The following ZFHX4 variants were observed in gnomAD, a reference collection of about 807,000 sequenced individuals.
The protein encoded by ZFHX4 is zinc finger homeobox protein 4.
ZFHX4 carries 56 observed loss-of-function variants against 267.6 expected under a neutral mutation model. The ratio of observed to expected loss-of-function variants is 0.21; its 90% CI spans 0.17 to 0.26. ZFHX4 has a LOEUF of 0.26. Ranked by LOEUF, ZFHX4 falls within the 10% of genes least tolerant of loss-of-function variation. ZFHX4 has a pLI of 1.00. For synonymous variants in ZFHX4, 1,778 were observed against 1,665.6 expected, an observed-to-expected ratio of 1.07 and a Z score of -1.64; for missense variants, 4,332 against 4,420.0, an observed-to-expected ratio of 0.98 and a Z score of 0.56.
intron 3 of ZFHX4, among the ~76,000 whole-genome samples, chr8:76,763,950 G>A (rs1446087170): frequency 6.6e-6 from 1 of 152,042 alleles, no homozygotes; most frequent in African/African-American, 2.4e-5. Flanking sequence ...TTTTATTACA[G>A]CAGCTAAACT....
chr8:76,809,633 T>C (rs1398064469), intron 4 of ZFHX4, among the ~76,000 whole-genome samples: 1 of 152,156 alleles, frequency 6.6e-6, no homozygotes, highest in African/African-American at 2.4e-5. Context: ...GAAGGGTTAA[T>C]TTTGAATAGT....
intron 5 of ZFHX4, among the ~76,000 whole-genome samples, chr8:76,841,109 A>C (rs1424474070): frequency 6.6e-6 from 1 of 152,258 alleles, no homozygotes; most frequent in Non-Finnish European, 1.5e-5. Flanking sequence ...GGCAAAGGGC[A>C]AAAATGGAAT....
intron 3 of ZFHX4, among the ~76,000 whole-genome samples, chr8:76,754,513 G>A (rs1809712956): frequency 6.6e-6 from 1 of 151,756 alleles, no homozygotes; most frequent in African/African-American, 2.4e-5. Context: ...AAAAACAATT[G>A]CTTAGTTACA....
intron 1 of ZFHX4, among the ~76,000 whole-genome samples, chr8:76,683,591 G>T (rs1807608908): frequency 6.6e-6 from 1 of 150,934 alleles, no homozygotes; most frequent in African/African-American, 2.4e-5. Context: ...TTTAATCAAG[G>T]ATCATGTAGA....
intron 3 of ZFHX4, among the ~76,000 whole-genome samples, chr8:76,731,571 T>C (rs1809012462): frequency 2.0e-5 from 3 of 152,138 alleles, no homozygotes; most frequent in Non-Finnish European, 4.4e-5. Context: ...AAAGAGCTGC[T>C]CCACTTCTTT....
intron 5 of ZFHX4, among the ~76,000 whole-genome samples, chr8:76,835,687 TCTCCC>T (rs1242395794): frequency 6.6e-6 from 1 of 151,930 alleles, no homozygotes; most frequent in Non-Finnish European, 1.5e-5. Context: ...ATAAACCTAC[TCTCCC>T]TCCCCCACCT....
intron 5 of ZFHX4, among the ~76,000 whole-genome samples, chr8:76,841,829 TGA>T (rs1238807808): frequency 2.0e-5 from 3 of 152,180 alleles, no homozygotes; most frequent in African/African-American, 7.2e-5. Context: ...CATTAAAATG[TGA>T]CATCAGCACA....
intron 3 of ZFHX4, 63 bp from the exon 4 acceptor site, chr8:76,778,145 A>T: frequency 2.7e-6 from 3 of 1,096,464 alleles, no homozygotes; most frequent in East Asian, 2.4e-5. Flanking sequence ...GGTGGGTGTC[A>T]CCTGTTTTGT....
rs1240239101 is a variant in ZFHX4, at chr8:76,866,826, G to A, written c.*2261G>A. 1.3e-5 allele frequency: 2 copies of A among 152,288 alleles called. No individual in the cohort carries two copies. Among genetic ancestry groups the A allele is most frequent in the African/African-American group, 4.8e-5 (2 of 41,340 alleles). 9.4% of individuals were successfully genotyped at this position (152,288 alleles called of 1,614,324 possible). On this transcript the variant is annotated 3_prime_UTR_variant, in exon 11 of 11. Transcript: ENST00000651372. ...AAAAAAAAGAAAAAAAACTTTAACT[G>A]GATGGACGTTGTTAGGGTGAGAAAT... is the stretch of plus-strand genomic sequence containing the variant.
intron 3 of ZFHX4, among the ~76,000 whole-genome samples, chr8:76,724,674 T>C (rs956239572): frequency 2.0e-5 from 3 of 152,166 alleles, no homozygotes; most frequent in Non-Finnish European, 2.9e-5. Context: ...TCAAATTTTG[T>C]AAGAATATCT....
intron 3 of ZFHX4, among the ~76,000 whole-genome samples, chr8:76,741,126 T>C (rs1809304544): frequency 6.6e-6 from 1 of 152,088 alleles, no homozygotes; most frequent in Non-Finnish European, 1.5e-5. Flanking sequence ...GGAAACAAAC[T>C]AAGGAAAACC....
intron 3 of ZFHX4, among the ~76,000 whole-genome samples, chr8:76,740,939 T>C (rs1247875775): frequency 2.0e-5 from 3 of 152,134 alleles, no homozygotes; most frequent in African/African-American, 7.2e-5. Context: ...TGATATAGTT[T>C]TGAAAAATCA....
At position 76,850,923 on chromosome 8, in the gene ZFHX4, C is replaced by G. The variant is rs1274556273; in HGVS notation, c.4002C>G (p.Leu1334=). ...TGGATGACAAAAGCATGGCAGGTCT[C>G]GAGGATTCAAAGGCTAATGTGGAAG... ...SPMDDKSMAG[L]EDSKANVEVK... The change falls in exon 10 of 11, where the codon CTC becomes CTG. Residue 1334 remains leucine, a synonymous_variant. Transcript: ENST00000651372. 1.9e-6 allele frequency: 3 copies of G among 1,611,672 alleles called. No homozygotes were observed. Among genetic ancestry groups the G allele is most frequent in the Non-Finnish European group, 8.5e-7 (1 of 1,178,848 alleles).
chr8:76,691,067 T>G (rs1807811993), intron 1 of ZFHX4, among the ~76,000 whole-genome samples: 1 of 152,080 alleles, frequency 6.6e-6, no homozygotes, highest in African/African-American at 2.4e-5. Flanking sequence ...ATTCTAACTC[T>G]AGGACCAGTG....
At chr8:76,729,483 T>C (rs1808941354) in intron 3 of ZFHX4, among the ~76,000 whole-genome samples, 1 of 152,196 alleles carries the variant, frequency 6.6e-6, no homozygotes, top group African/African-American at 2.4e-5. Context: ...TTGTACAAAA[T>C]ATCTAATTTT....
chr8:76,829,203 A>G (rs2131882649), intron 4 of ZFHX4, among the ~76,000 whole-genome samples: 1 of 147,378 alleles, frequency 6.8e-6, no homozygotes, highest in Middle Eastern at 3.6e-3. Context: ...TAAAAAATTA[A>G]AATTCCAAAT....
chr8:76,685,981 T>C (rs998499628), intron 1 of ZFHX4, among the ~76,000 whole-genome samples: 7 of 152,154 alleles, frequency 4.6e-5, no homozygotes, highest in Non-Finnish European at 7.4e-5. Context: ...TGAAACAAAA[T>C]ATGTGACTTG....
rs182317470 is a variant in ZFHX4, at chr8:76,738,952, C to T, written c.3093+30904C>T. ...CTGGTCTCAAACTCCTGGGCTCAAG[C>T]GATTCACCTGCCTCAGCCTCCCAAA... On this transcript the variant is annotated intron_variant, in intron 3 of 10. Coordinates refer to ENST00000651372, the MANE Select transcript of ZFHX4 (RefSeq NM_024721.5). 3.6e-4 allele frequency among the ~76,000 whole-genome samples: 54 copies of T among 151,972 alleles called. 1 individual carries two copies. In the South Asian group the frequency reaches 9.6e-3, roughly 27 times the overall value.
chr8:76,739,512 G>A (rs1248884680), intron 3 of ZFHX4, among the ~76,000 whole-genome samples: 2 of 152,088 alleles, frequency 1.3e-5, no homozygotes, highest in Non-Finnish European at 2.9e-5. Context: ...TTTAAATGTG[G>A]ATATCTAGTG....
Sources: allele counts gnomAD v4.1 joint callset (sites outside exome capture counted in the v4.1 genomes callset), GRCh38; gene constraint gnomAD v4.1.1; transcripts MANE v1.5; gene names NCBI Gene and HGNC (gene_info 2026-07-23, HGNC 2026-07-21).